The following NRG3 variants were observed in gnomAD, a reference collection of about 807,000 sequenced individuals.
The protein encoded by NRG3 is pro-neuregulin-3, membrane-bound isoform.
A neutral mutation model predicts 66.9 loss-of-function variants in NRG3; 31 were observed. That is an observed-to-expected ratio of 0.46 (90% CI 0.35 to 0.63). The LOEUF (loss-of-function observed/expected upper bound fraction) is 0.63, where lower values mean the gene tolerates loss of function less well. NRG3 is among the 20% of genes least tolerant of loss of function. The pLI is 0.00. For missense variants in NRG3, 910 were observed against 878.9 expected (o/e 1.04, Z -0.45); for synonymous variants, 393 against 359.4 (o/e 1.09, Z -1.06).
At chr10:82,113,399 T>A (rs2132268926) in intron 1 of NRG3, among the ~76,000 whole-genome samples, 1 of 152,192 alleles carries the variant, frequency 6.6e-6, no homozygotes, top group Non-Finnish European at 1.5e-5. Context: ...ATGGAGACCA[T>A]GCCAAACATG....
intron 1 of NRG3, among the ~76,000 whole-genome samples, chr10:82,065,646 A>C (rs993834981): frequency 1.3e-5 from 2 of 152,144 alleles, no homozygotes; most frequent in African/African-American, 4.8e-5. Flanking sequence ...AGAGTACATA[A>C]AGAAAAATGT....
chr10:82,246,019 G>GAGTT (rs2077228672), intron 1 of NRG3, among the ~76,000 whole-genome samples: 1 of 121,434 alleles, frequency 8.2e-6, no homozygotes, highest in Non-Finnish European at 1.6e-5. Flanking sequence ...CATATATTGT[G>GAGTT]AAACACTCGG....
chr10:82,057,978 T>C (rs2063938010), intron 1 of NRG3, among the ~76,000 whole-genome samples: 1 of 151,962 alleles, frequency 6.6e-6, no homozygotes, highest in South Asian at 2.1e-4. Context: ...CCTTTCTTTT[T>C]TTTTTTTTTC....
chr10:81,904,779 G>A (rs1474426611), intron 1 of NRG3, among the ~76,000 whole-genome samples: 7 of 151,890 alleles, frequency 4.6e-5, no homozygotes, highest in African/African-American at 9.7e-5. Context: ...CTCCCAAACC[G>A]CCTCCTTTGT....
chr10:82,412,725 C>T (rs1473762583), intron 2 of NRG3, among the ~76,000 whole-genome samples: 1 of 152,188 alleles, frequency 6.6e-6, no homozygotes, highest in Non-Finnish European at 1.5e-5. Flanking sequence ...AGTCAATCCT[C>T]TCAACTACTG....
chr10:82,329,823 C>T (rs373515047), intron 1 of NRG3, among the ~76,000 whole-genome samples: 1 of 152,134 alleles, frequency 6.6e-6, no homozygotes, highest in East Asian at 1.9e-4. Context: ...AAAATGGCTA[C>T]TCAGGAAGGC....
chr10:82,168,731 G>A (rs890007679), intron 1 of NRG3, among the ~76,000 whole-genome samples: 1 of 152,138 alleles, frequency 6.6e-6, no homozygotes, highest in Non-Finnish European at 1.5e-5. Flanking sequence ...GTGAGAGAAA[G>A]TTCTGTTTGT....
intron 4 of NRG3, among the ~76,000 whole-genome samples, chr10:82,940,386 A>G (rs2132258051): frequency 6.6e-6 from 1 of 152,212 alleles, no homozygotes; most frequent in South Asian, 2.1e-4. Context: ...AGCTTGTAGA[A>G]TCATTGCCCT....
At chr10:82,773,897 T>C (rs1438546631) in intron 3 of NRG3, among the ~76,000 whole-genome samples, 1 of 152,190 alleles carries the variant, frequency 6.6e-6, no homozygotes. Flanking sequence ...AAAACTGTTA[T>C]GTGTTTTTAT....
intron 4 of NRG3, among the ~76,000 whole-genome samples, chr10:82,884,945 C>T (rs1842607906): frequency 6.6e-6 from 1 of 152,196 alleles, no homozygotes; most frequent in Admixed American, 6.5e-5. Flanking sequence ...GTCATTCTGT[C>T]CTTCAGATAT....
chr10:82,444,472 C>T (rs1590155000), intron 2 of NRG3, among the ~76,000 whole-genome samples: 1 of 152,018 alleles, frequency 6.6e-6, no homozygotes, highest in South Asian at 2.1e-4. Flanking sequence ...ATTCTATACA[C>T]AGAATGAGAC....
intron 1 of NRG3, among the ~76,000 whole-genome samples, chr10:82,173,170 G>A (rs2072761828): frequency 6.6e-6 from 1 of 152,090 alleles, no homozygotes; most frequent in Non-Finnish European, 1.5e-5. Context: ...TGGCATGGAA[G>A]TATTTGCATC....
intron 3 of NRG3, among the ~76,000 whole-genome samples, chr10:82,817,107 T>G (rs1037479812): frequency 1.3e-5 from 2 of 152,196 alleles, no homozygotes; most frequent in African/African-American, 4.8e-5. Context: ...TTCCCCAGTT[T>G]CCAGTCTTGC....
chr10:82,411,658 CTCTGAGT>C (rs1442124330), intron 2 of NRG3, among the ~76,000 whole-genome samples: 1 of 152,088 alleles, frequency 6.6e-6, no homozygotes, highest in Non-Finnish European at 1.5e-5. Flanking sequence ...TGAGTATTTA[CTCTGAGT>C]TCTAAGTGAA....
At chr10:82,679,669 AG>A (rs1462770175) in intron 2 of NRG3, among the ~76,000 whole-genome samples, 1 of 152,194 alleles carries the variant, frequency 6.6e-6, no homozygotes, top group East Asian at 1.9e-4. Flanking sequence ...ATTACAGGGC[AG>A]TGTACAAATA....
intron 4 of NRG3, among the ~76,000 whole-genome samples, chr10:82,869,066 T>C (rs1009382682): frequency 3.3e-5 from 5 of 152,154 alleles, no homozygotes; most frequent in African/African-American, 7.2e-5. Context: ...CCAAGTAATA[T>C]GACATCTCTA....
intron 1 of NRG3, among the ~76,000 whole-genome samples, chr10:82,190,685 G>A (rs907665739): frequency 6.6e-6 from 1 of 152,162 alleles, no homozygotes; most frequent in South Asian, 2.1e-4. Flanking sequence ...CTGGGCCAGT[G>A]AGGAAGCTTT....
intron 1 of NRG3, among the ~76,000 whole-genome samples, chr10:82,255,220 A>G (rs2077661120): frequency 6.6e-6 from 1 of 152,188 alleles, no homozygotes; most frequent in South Asian, 2.1e-4. Context: ...GGGCCATCCT[A>G]TAAAATACCT....
At chr10:82,099,286 T>C (rs1323229710) in intron 1 of NRG3, among the ~76,000 whole-genome samples, 2 of 152,180 alleles carry the variant, frequency 1.3e-5, no homozygotes, top group African/African-American at 4.8e-5. Flanking sequence ...TAAAATTTGG[T>C]TAGGATTCAC....
Sources: gnomAD v4.1 joint callset for allele counts (sites outside exome capture counted in the v4.1 genomes callset) on GRCh38, gnomAD v4.1.1 for gene constraint, MANE v1.5 for transcripts, NCBI Gene and HGNC (gene_info 2026-07-23, HGNC 2026-07-21) for gene names.